ASNS: variants seen among roughly 807,000 people sequenced by gnomAD.
ASNS encodes asparagine synthetase [glutamine-hydrolyzing].
ASNS carries 37 observed loss-of-function variants against 62.6 expected under a neutral mutation model. The ratio of observed to expected loss-of-function variants is 0.59; its 90% CI spans 0.45 to 0.78. The LOEUF (loss-of-function observed/expected upper bound fraction) is 0.78, where lower values mean the gene tolerates loss of function less well. Ranked by LOEUF, ASNS falls within the 30% of genes least tolerant of loss-of-function variation. ASNS has a pLI of 0.00. For missense variants in ASNS, 520 were observed against 682.4 expected (o/e 0.76, Z 2.65); for synonymous variants, 207 against 237.9 (o/e 0.87, Z 1.19).
At chr7:97,920,161 G>C in the ASNS span, among the ~76,000 whole-genome samples, 1 of 152,064 alleles carries the variant, frequency 6.6e-6, no homozygotes, top group Non-Finnish European at 1.5e-5. Context: ...GTGTCACCAT[G>C]GCCGGCTAAT....
chr7:97,926,388 G>T, the ASNS span, among the ~76,000 whole-genome samples: 13 of 152,256 alleles, frequency 8.5e-5, no homozygotes, highest in Admixed American at 8.5e-4. Flanking sequence ...CCAAGCTAAT[G>T]GTCTACACAG....
chr7:97,885,017 C>T, the ASNS span, among the ~76,000 whole-genome samples: 10 of 152,204 alleles, frequency 6.6e-5, no homozygotes, highest in African/African-American at 1.9e-4. Flanking sequence ...TCCTGCCTCC[C>T]GAGTAGCTGG....
At chr7:97,910,888 C>T in the ASNS span, among the ~76,000 whole-genome samples, 3 of 152,288 alleles carry the variant, frequency 2.0e-5, no homozygotes, top group Non-Finnish European at 4.4e-5. Flanking sequence ...ATGTGAGCCA[C>T]CACGCCTAGC....
the ASNS span, among the ~76,000 whole-genome samples, chr7:97,890,796 G>A: frequency 6.6e-6 from 1 of 152,150 alleles, no homozygotes; most frequent in Non-Finnish European, 1.5e-5. Context: ...TCCCAGATAA[G>A]CAAAAGACTG....
At chr7:97,906,289 C>A in the ASNS span, 2 of 421,594 alleles carry the variant, frequency 4.7e-6, no homozygotes, top group Non-Finnish European at 9.2e-6. Context: ...CCATTGTTAG[C>A]AAAACCATCT....
chr7:97,915,931 C>T, the ASNS span, among the ~76,000 whole-genome samples: 2 of 151,982 alleles, frequency 1.3e-5, no homozygotes, highest in Non-Finnish European at 2.9e-5. Flanking sequence ...TGAGGCTCTT[C>T]GGTGGTATTT....
the ASNS span, among the ~76,000 whole-genome samples, chr7:97,895,893 GTAACAAACTAGC>G: frequency 6.6e-6 from 1 of 151,492 alleles, no homozygotes; most frequent in African/African-American, 2.4e-5. Context: ...CTATATACCA[GTAACAAACTAGC>G]TAAAATAGAA....
At chr7:97,904,099 G>T in the ASNS span, among the ~76,000 whole-genome samples, 1 of 152,074 alleles carries the variant, frequency 6.6e-6, no homozygotes, top group African/African-American at 2.4e-5. Context: ...CTATTAAGGG[G>T]TGTTAGGAGC....
the ASNS span, among the ~76,000 whole-genome samples, chr7:97,879,248 T>C: frequency 6.6e-6 from 1 of 152,194 alleles, no homozygotes; most frequent in Non-Finnish European, 1.5e-5. Context: ...AAGGACTTCA[T>C]GTCTAAAACA....
At chr7:97,873,239 C>G (rs1382422042), upstream of ASNS, among the ~76,000 whole-genome samples, 1 of 152,176 alleles carries the variant, frequency 6.6e-6, no homozygotes, top group Admixed American at 6.5e-5. Flanking sequence ...GAAAAGACAT[C>G]ACGATTTTTA....
chr7:97,877,959 A>AT, the ASNS span, among the ~76,000 whole-genome samples: 1 of 152,180 alleles, frequency 6.6e-6, no homozygotes, highest in African/African-American at 2.4e-5. Flanking sequence ...CTGTCCTAGA[A>AT]TTCTGCCCAT....
chr7:97,894,742 A>C, the ASNS span, among the ~76,000 whole-genome samples: 1 of 152,302 alleles, frequency 6.6e-6, no homozygotes. Flanking sequence ...AAAGTCTCCC[A>C]AAAGAGAAAA....
the ASNS span, among the ~76,000 whole-genome samples, chr7:97,891,719 C>T: frequency 6.6e-6 from 1 of 152,172 alleles, no homozygotes; most frequent in Non-Finnish European, 1.5e-5. Flanking sequence ...TCCTTTGATT[C>T]CATGTCTCAC....
At chr7:97,884,474 G>A in the ASNS span, among the ~76,000 whole-genome samples, 1 of 152,086 alleles carries the variant, frequency 6.6e-6, no homozygotes, top group Non-Finnish European at 1.5e-5. Flanking sequence ...GCTTGAACTC[G>A]GGAGGCAGAG....
the ASNS span, among the ~76,000 whole-genome samples, chr7:97,892,905 A>G: frequency 1.3e-5 from 2 of 152,192 alleles, no homozygotes; most frequent in Admixed American, 6.5e-5. Flanking sequence ...CCTGTTTCCC[A>G]GTTCCAAAGT....
At chr7:97,877,753 T>A in the ASNS span, among the ~76,000 whole-genome samples, 1 of 152,266 alleles carries the variant, frequency 6.6e-6, no homozygotes, top group East Asian at 1.9e-4. Context: ...AAGACTCACC[T>A]GATTAGGTCT....
intron 4 of ASNS, among the ~76,000 whole-genome samples, chr7:97,860,437 T>C (rs1791660229): frequency 6.6e-6 from 1 of 152,202 alleles, no homozygotes; most frequent in African/African-American, 2.4e-5. Context: ...AGGAGGCTGC[T>C]TTTCCCCAGT....
the ASNS span, among the ~76,000 whole-genome samples, chr7:97,905,449 CT>C: frequency 6.6e-6 from 1 of 152,224 alleles, no homozygotes; most frequent in Non-Finnish European, 1.5e-5. Context: ...CACCATCCAA[CT>C]CTAGGGTAGA....
the ASNS span, among the ~76,000 whole-genome samples, chr7:97,891,978 G>C: frequency 1.6e-4 from 25 of 152,168 alleles, no homozygotes; most frequent in Non-Finnish European, 3.1e-4. Flanking sequence ...TGGGGGCTCC[G>C]ACCCCACATT....
Sources: allele counts gnomAD v4.1 joint callset (sites outside exome capture counted in the v4.1 genomes callset), GRCh38; gene constraint gnomAD v4.1.1; transcripts MANE v1.5; gene names NCBI Gene and HGNC (gene_info 2026-07-23, HGNC 2026-07-21).